Variants in PPIP5K2 observed in about 807,000 individuals in gnomAD.
PPIP5K2 encodes inositol hexakisphosphate and diphosphoinositol-pentakisphosphate kinase 2.
Under a neutral mutation model 154.6 loss-of-function variants are expected in PPIP5K2, and 105 were observed. The observed-to-expected ratio is 0.68, with a 90% CI of 0.58 to 0.80. The LOEUF is 0.80. Ranked by LOEUF, PPIP5K2 falls within the 30% of genes least tolerant of loss-of-function variation. The probability of loss-of-function intolerance (pLI) is 0.00; values close to 1 mark genes in which losing one functional copy is unlikely to be tolerated. For synonymous variants in PPIP5K2, 480 were observed against 490.3 expected, an observed-to-expected ratio of 0.98 and a Z score of 0.28; for missense variants, 992 against 1,504.6, an observed-to-expected ratio of 0.66 and a Z score of 5.64.
chr5:103,127,119 C>T (rs1429238191), intron 1 of PPIP5K2, among the ~76,000 whole-genome samples: 2 of 152,164 alleles, frequency 1.3e-5, no homozygotes, highest in Non-Finnish European at 2.9e-5. Flanking sequence ...TTCAGCTTTA[C>T]CTCTAAAACA....
At chr5:103,142,750 T>G (rs554915225) in intron 5 of PPIP5K2, among the ~76,000 whole-genome samples, 203 of 139,862 alleles carry the variant, frequency 1.5e-3, no homozygotes, top group African/African-American at 5.2e-3. Context: ...CACTCCAGCC[T>G]GGGCGAGTGA....
intron 5 of PPIP5K2, among the ~76,000 whole-genome samples, chr5:103,144,713 T>A (rs148372690): frequency 1.3e-5 from 2 of 152,262 alleles, no homozygotes; most frequent in East Asian, 3.9e-4. Context: ...AAACTTGATA[T>A]CTATATCCAG....
chr5:103,173,169 T>C lies in PPIP5K2; in HGVS notation c.2301T>C (p.Thr767=), dbSNP rs35321577. 2 of 1,606,886 alleles carry C rather than the reference T, an allele frequency of 1.2e-6. No individual in the cohort carries two copies. Among genetic ancestry groups the C allele is most frequent in the Non-Finnish European group, 1.7e-6 (2 of 1,176,892 alleles). ...DIVIPQEYGI[T]KAEKLEIAKG... ...TTTTTGCTCAGGAATATGGTATAAC[T>C]AAAGCTGAAAAACTGGAGATTGCCA... is the stretch of plus-strand genomic sequence containing the variant. The change falls in exon 20 of 31, where the codon ACT becomes ACC. Residue 767 remains threonine (T), a synonymous_variant. Coordinates refer to ENST00000358359, the MANE Select transcript of PPIP5K2 (RefSeq NM_001276277.3).
chr5:103,173,359 G>A (rs1342102059), intron 20 of PPIP5K2, 77 bp downstream of exon 20: 12 of 1,451,922 alleles, frequency 8.3e-6, no homozygotes, highest in Non-Finnish European at 1.1e-5. Context: ...TACTTTGATG[G>A]TCCTATGAAG....
intron 18 of PPIP5K2, 92 bp from the exon 19 acceptor site, chr5:103,167,980 C>A: frequency 1.3e-6 from 1 of 776,044 alleles, no homozygotes; most frequent in Non-Finnish European, 2.0e-6. Context: ...GTATTTTTGA[C>A]ACTTTAAAAA....
At chr5:103,181,017 T>C (rs1799451165) in intron 24 of PPIP5K2, among the ~76,000 whole-genome samples, 1 of 152,102 alleles carries the variant, frequency 6.6e-6, no homozygotes, top group Non-Finnish European at 1.5e-5. Context: ...ACCTTTATAT[T>C]AAGATCTATA....
In PPIP5K2 at chr5:103,201,558, C is replaced by T; in HGVS notation, c.3656C>T (p.Thr1219Ile). The change falls in exon 31 of 31, where the codon ACC (threonine) becomes ATC (isoleucine). Residue 1219 changes from threonine (T) to isoleucine (I), a missense_variant. Thr to Ile is a moderately conservative substitution (Grantham distance 89). This residue lies in a region of PPIP5K2 where 131 missense variants were observed against 117.8 expected (regional missense o/e 1.11). Transcript: ENST00000358359. ...SGPSSAVVPNTSSRKKNITSK... is the reference protein window; with the variant it reads ...SGPSSAVVPNISSRKKNITSK... ...CCTTCTAGTGCAGTTGTTCCTAATA[C>T]CTCATCTCGGAAAAAGAATATAACT... The T allele has an allele frequency of 6.2e-7, 1 of 1,608,252 alleles. No individual in the cohort carries two copies. The highest frequency in any genetic ancestry group is 8.5e-7 in the Non-Finnish European group (1 of 1,178,074).
At position 103,210,874 on chromosome 5, in the gene PPIP5K2, G is replaced by C. The variant is rs1803769834; in HGVS notation, c.*9240G>C. ...CTGGATTTTGTTTGATATTGTGAAT[G>C]CAAACTATTTTTTTGTGTTAGCCTA... On this transcript the variant is annotated 3_prime_UTR_variant, in exon 31 of 31. Coordinates refer to ENST00000358359, the MANE Select transcript of PPIP5K2 (RefSeq NM_001276277.3). The C allele has an allele frequency of 6.6e-6, 1 of 152,084 alleles. No homozygotes were observed. The highest frequency in any genetic ancestry group is 2.4e-5 in the African/African-American group (1 of 41,428). The allele number at this position is 152,084 out of a possible 1,614,324, so 9.4% of individuals were successfully genotyped here.
chr5:103,148,372 C>G (rs1185191317), intron 7 of PPIP5K2: 15 of 256,432 alleles, frequency 5.8e-5, no homozygotes, highest in African/African-American at 3.5e-4. Flanking sequence ...GGTCTAATAA[C>G]CACCACAGTT....
At chr5:103,159,495 C>A (rs1224817535) in intron 17 of PPIP5K2, among the ~76,000 whole-genome samples, 167 bp downstream of exon 17, 1 of 152,002 alleles carries the variant, frequency 6.6e-6, no homozygotes, top group Non-Finnish European at 1.5e-5. Flanking sequence ...TTCTGTATGC[C>A]CCTTTTCAAT....
intron 7 of PPIP5K2, among the ~76,000 whole-genome samples, chr5:103,148,787 T>C (rs1327024900): frequency 1.3e-5 from 2 of 152,060 alleles, no homozygotes; most frequent in Non-Finnish European, 2.9e-5. Context: ...TTTAAAGATG[T>C]TCTTTTGGAA....
At chr5:103,195,948 A>T (rs1802025521) in intron 30 of PPIP5K2, among the ~76,000 whole-genome samples, 1 of 152,196 alleles carries the variant, frequency 6.6e-6, no homozygotes, top group Admixed American at 6.5e-5. Context: ...CAAGTTACTT[A>T]ACCTCTCTGA....
In PPIP5K2 at chr5:103,160,021, T is replaced by G. The variant is rs548275763; in HGVS notation, c.1920+693T>G. Among the ~76,000 whole-genome samples the G allele has an allele frequency of 5.9e-5, 9 of 152,314 alleles. No homozygotes were observed. The South Asian group carries it at 1.9e-3, about 32-fold the overall frequency. On this transcript the variant is annotated intron_variant, in intron 17 of 30. Transcript: ENST00000358359. ...TACATATAAGTGAGATTATACATATTTGTCATTCTGTGCCTGGCTTATTTC... is the reference window on the plus strand; with the variant it reads ...TACATATAAGTGAGATTATACATATGTGTCATTCTGTGCCTGGCTTATTTC...
intron 20 of PPIP5K2, among the ~76,000 whole-genome samples, 153 bp from the exon 21 acceptor site, chr5:103,173,705 A>G (rs1198151455): frequency 6.6e-6 from 1 of 152,056 alleles, no homozygotes; most frequent in Non-Finnish European, 1.5e-5. Context: ...AATATATACT[A>G]AGATAAATTC....
chr5:103,151,503 C>A (rs1223252140), intron 9 of PPIP5K2, 129 bp downstream of exon 9: 6 of 698,528 alleles, frequency 8.6e-6, no homozygotes, highest in Non-Finnish European at 1.4e-5. Context: ...AAAATGATAC[C>A]CCCAGAGACT....
Position 103,130,397 on chromosome 5 carries a change from C to T in PPIP5K2, c.114+694C>T, listed in dbSNP as rs10042106. On this transcript the variant is annotated intron_variant, in intron 2 of 30. Transcript: ENST00000358359. ...TGTGAATACTGATTTAAAATACAGACCTACAGTATGTGTTTGTTTTTCATA... is the reference window on the plus strand; with the variant it reads ...TGTGAATACTGATTTAAAATACAGATCTACAGTATGTGTTTGTTTTTCATA... Among the ~76,000 whole-genome samples, 783 of 152,066 alleles carry T rather than the reference C, an allele frequency of 5.1e-3. 5 individuals carry two copies. The highest frequency in any genetic ancestry group is 0.018 in the African/African-American group (745 of 41,480).
intron 29 of PPIP5K2, among the ~76,000 whole-genome samples, chr5:103,192,769 A>T (rs1165643386): frequency 6.6e-6 from 1 of 152,118 alleles, no homozygotes; most frequent in African/African-American, 2.4e-5. Flanking sequence ...TTCTTTTTCC[A>T]GTTGTGCTAA....
chr5:103,121,595 C>T (rs1296928650), intron 1 of PPIP5K2, among the ~76,000 whole-genome samples: 2 of 152,176 alleles, frequency 1.3e-5, no homozygotes, highest in African/African-American at 4.8e-5. Flanking sequence ...TTTTGGTGTA[C>T]CTACTTATAT....
chr5:103,127,764 G>T (rs1554201233), intron 1 of PPIP5K2, among the ~76,000 whole-genome samples: 1 of 152,140 alleles, frequency 6.6e-6, no homozygotes, highest in Non-Finnish European at 1.5e-5. Context: ...TAAAACAGAT[G>T]TACCTGACTC....
Sources: gnomAD v4.1 joint callset for allele counts (sites outside exome capture counted in the v4.1 genomes callset) on GRCh38, gnomAD v4.1.1 for gene constraint, gnomAD v4.1.1 regional missense constraint, MANE v1.5 for transcripts, NCBI Gene and HGNC (gene_info 2026-07-23, HGNC 2026-07-21) for gene names.